NR3C2: variants seen among roughly 807,000 people sequenced by gnomAD.
NR3C2 encodes the protein nuclear receptor subfamily 3 group C member 2.
In NR3C2, 15 loss-of-function variants were observed where a neutral mutation model predicts 86.4. That is an observed-to-expected ratio of 0.17 (90% CI 0.12 to 0.27). The LOEUF (loss-of-function observed/expected upper bound fraction) is 0.27, where lower values mean the gene tolerates loss of function less well. Ranked by LOEUF, NR3C2 falls within the 10% of genes least tolerant of loss-of-function variation. The probability of loss-of-function intolerance (pLI) is 1.00; values close to 1 mark genes in which losing one functional copy is unlikely to be tolerated. For missense variants in NR3C2, 960 were observed against 1,195.6 expected (o/e 0.80, Z 2.91); for synonymous variants, 458 against 450.5 (o/e 1.02, Z -0.21).
At chr4:148,238,579 T>C (rs982449420) in intron 3 of NR3C2, among the ~76,000 whole-genome samples, 1 of 152,084 alleles carries the variant, frequency 6.6e-6, no homozygotes, top group African/African-American at 2.4e-5. Flanking sequence ...TCTCTCACTG[T>C]TGAGTTTTAA....
chr4:148,339,976 A>C (rs1370013008), intron 2 of NR3C2, among the ~76,000 whole-genome samples: 1 of 152,290 alleles, frequency 6.6e-6, no homozygotes, highest in African/African-American at 2.4e-5. Flanking sequence ...TTAAATTCCA[A>C]GGAATAAATT....
chr4:148,316,421 G>A (rs753818461), intron 2 of NR3C2, among the ~76,000 whole-genome samples: 11 of 151,992 alleles, frequency 7.2e-5, no homozygotes, highest in Non-Finnish European at 1.2e-4. Flanking sequence ...TTTACTTTCC[G>A]AGAAGCCACA....
intron 4 of NR3C2, among the ~76,000 whole-genome samples, chr4:148,185,142 T>A (rs1181945329): frequency 6.6e-6 from 1 of 152,180 alleles, no homozygotes; most frequent in African/African-American, 2.4e-5. Context: ...ACTCATCAAA[T>A]CTCATCACAG....
chr4:148,140,413 A>G (rs1733552807), intron 6 of NR3C2, among the ~76,000 whole-genome samples: 1 of 152,182 alleles, frequency 6.6e-6, no homozygotes. Flanking sequence ...ACGTGCCTGT[A>G]GTTCCAGCTA....
At chr4:148,360,647 A>G (rs558765776) in intron 2 of NR3C2, among the ~76,000 whole-genome samples, 29 of 152,380 alleles carry the variant, frequency 1.9e-4, no homozygotes, top group Non-Finnish European at 3.5e-4. Context: ...TGGATTATAA[A>G]AAGAATCATA....
intron 2 of NR3C2, among the ~76,000 whole-genome samples, chr4:148,317,579 C>G (rs1055200154): frequency 6.6e-6 from 1 of 151,674 alleles, no homozygotes; most frequent in Non-Finnish European, 1.5e-5. Flanking sequence ...AAAGAAGATA[C>G]AGAGAGGGAG....
Position 148,420,014 on chromosome 4 carries a change from T to C in NR3C2, c.1757+15090A>G, listed in dbSNP as rs543242878. Reference sequence around the variant, plus strand: ...AAGACACATCTTCCTGTGTTCTTAGTACATGGGGTTGGGTGAGACCAAACC... The same window carrying C: ...AAGACACATCTTCCTGTGTTCTTAGCACATGGGGTTGGGTGAGACCAAACC... On this transcript the variant is annotated intron_variant, in intron 2 of 8. Coordinates refer to ENST00000358102, the MANE Select transcript of NR3C2 (RefSeq NM_000901.5). Among the ~76,000 whole-genome samples the C allele has an allele frequency of 1.6e-4, 24 of 152,320 alleles. No individual in the cohort carries two copies. In the South Asian group the frequency reaches 4.8e-3, roughly 30 times the overall value.
intron 3 of NR3C2, among the ~76,000 whole-genome samples, chr4:148,257,048 C>T (rs1739867295): frequency 2.0e-5 from 3 of 152,110 alleles, no homozygotes; most frequent in African/African-American, 7.2e-5. Flanking sequence ...TGTTTTTCCT[C>T]TTGTCTGCTC....
chr4:148,187,699 C>T (rs1348457394), intron 4 of NR3C2, among the ~76,000 whole-genome samples: 1 of 152,164 alleles, frequency 6.6e-6, no homozygotes, highest in Admixed American at 6.5e-5. Context: ...GTTCCTTTCG[C>T]TGTGCAAAAG....
chr4:148,307,407 A>C (rs1742683786), intron 2 of NR3C2, among the ~76,000 whole-genome samples: 1 of 152,200 alleles, frequency 6.6e-6, no homozygotes, highest in African/African-American at 2.4e-5. Context: ...AGTTATGTTC[A>C]AAGTATTAAC....
intron 2 of NR3C2, among the ~76,000 whole-genome samples, chr4:148,407,525 A>G (rs749993168): frequency 2.6e-5 from 4 of 152,184 alleles, no homozygotes; most frequent in African/African-American, 7.2e-5. Context: ...CTTATTCTTC[A>G]AATAAAACAG....
At chr4:148,172,979 A>G (rs111854523) in intron 4 of NR3C2, among the ~76,000 whole-genome samples, 3 of 152,354 alleles carry the variant, frequency 2.0e-5, no homozygotes, top group African/African-American at 7.2e-5. Context: ...GTAAAGGTTG[A>G]TCTCTGAGGA....
intron 2 of NR3C2, among the ~76,000 whole-genome samples, chr4:148,387,377 T>C (rs569074041): frequency 1.5e-4 from 23 of 152,282 alleles, no homozygotes; most frequent in Non-Finnish European, 3.2e-4. Context: ...GCTGCCTTCC[T>C]CTAAACTAGA....
intron 4 of NR3C2, among the ~76,000 whole-genome samples, chr4:148,176,029 G>A (rs1735359543): frequency 6.6e-6 from 1 of 152,184 alleles, no homozygotes. Flanking sequence ...TTGCCTCCCA[G>A]CTTCTCTAGC....
intron 8 of NR3C2, among the ~76,000 whole-genome samples, chr4:148,103,793 C>T (rs755360801): frequency 5.9e-5 from 9 of 152,132 alleles, no homozygotes; most frequent in Non-Finnish European, 8.8e-5. Context: ...TCTACCTCTA[C>T]GCGGAGTTAC....
intron 2 of NR3C2, among the ~76,000 whole-genome samples, chr4:148,376,755 G>C (rs1746700790): frequency 6.6e-6 from 1 of 152,074 alleles, no homozygotes; most frequent in South Asian, 2.1e-4. Context: ...ATATCCTTAT[G>C]TTATTAGAAA....
chr4:148,225,928 C>T (rs1046861334), intron 3 of NR3C2, among the ~76,000 whole-genome samples: 1 of 152,226 alleles, frequency 6.6e-6, no homozygotes, highest in Non-Finnish European at 1.5e-5. Context: ...TATCTTTACA[C>T]AGAAGTTTAC....
At chr4:148,341,874 G>A (rs1046877686) in intron 2 of NR3C2, among the ~76,000 whole-genome samples, 1 of 152,050 alleles carries the variant, frequency 6.6e-6, no homozygotes, top group African/African-American at 2.4e-5. Context: ...TTGAAAACTA[G>A]GAAATAACTC....
rs1439019379 is a variant in NR3C2 at position 148,079,593 on chromosome 4, A to G, written c.*1751T>C. ...TATTCAAAGTAGTTTATTTAGTGCA[A>G]TCATATTGTTAGTTTCCCCAAAGAT... On this transcript the variant is annotated 3_prime_UTR_variant, in exon 9 of 9. Transcript: ENST00000358102. The G allele has an allele frequency of 6.6e-6, 1 of 152,598 alleles. No individual in the cohort carries two copies. The highest frequency in any genetic ancestry group is 1.5e-5 in the Non-Finnish European group (1 of 68,044). 9.5% of individuals were successfully genotyped at this position (152,598 alleles called of 1,614,324 possible). A position where few individuals can be genotyped will look rare whatever the true frequency, so the allele number is the denominator to read the frequency against.
Sources: allele counts gnomAD v4.1 joint callset (sites outside exome capture counted in the v4.1 genomes callset), GRCh38; gene constraint gnomAD v4.1.1; transcripts MANE v1.5; gene names NCBI Gene and HGNC (gene_info 2026-07-23, HGNC 2026-07-21).